Variants in EPHA3 observed in about 807,000 individuals in gnomAD.
EPHA3 encodes EPH receptor A3, also known as ephrin type-A receptor 3.
A neutral mutation model predicts 107.1 loss-of-function variants in EPHA3; 42 were observed. The ratio of observed to expected loss-of-function variants is 0.39; its 90% confidence interval spans 0.31 to 0.51. The LOEUF (loss-of-function observed/expected upper bound fraction) is 0.51, where lower values mean the gene tolerates loss of function less well. Ranked by LOEUF, EPHA3 falls within the 20% of genes least tolerant of loss-of-function variation. The pLI is 0.78. For missense variants in EPHA3, 1,183 were observed against 1,211.2 expected, an observed-to-expected ratio of 0.98 and a Z score of 0.35; for synonymous variants, 461 against 424.8, an observed-to-expected ratio of 1.09 and a Z score of -1.05.
intron 2 of EPHA3, among the ~76,000 whole-genome samples, chr3:89,202,161 G>A (rs1293565573): frequency 6.6e-6 from 1 of 151,774 alleles, no homozygotes; most frequent in African/African-American, 2.4e-5. Context: ...TACTGTATGT[G>A]TTATGCCTCC....
At chr3:89,393,648 A>T (rs1488951856) in intron 5 of EPHA3, among the ~76,000 whole-genome samples, 1 of 152,224 alleles carries the variant, frequency 6.6e-6, no homozygotes, top group Admixed American at 6.5e-5. Flanking sequence ...GACTTACTTC[A>T]GCAGAAAAAT....
At chr3:89,153,215 G>A (rs1040894234) in intron 2 of EPHA3, among the ~76,000 whole-genome samples, 2 of 152,024 alleles carry the variant, frequency 1.3e-5, no homozygotes, top group Admixed American at 6.6e-5. Context: ...TCTTGAAGCA[G>A]GTAAATGAGT....
intron 3 of EPHA3, among the ~76,000 whole-genome samples, chr3:89,240,427 C>A (rs1411952208): frequency 6.6e-6 from 1 of 152,058 alleles, no homozygotes; most frequent in East Asian, 1.9e-4. Context: ...AAATGCAATA[C>A]ATTTGTATTA....
At chr3:89,189,503 G>A (rs1705651252) in intron 2 of EPHA3, among the ~76,000 whole-genome samples, 2 of 152,186 alleles carry the variant, frequency 1.3e-5, no homozygotes, top group African/African-American at 2.4e-5. Context: ...TGAGGCAGGA[G>A]AATTGCTTGA....
chr3:89,204,999 A>C (rs1376340590), intron 2 of EPHA3, among the ~76,000 whole-genome samples: 1 of 152,326 alleles, frequency 6.6e-6, no homozygotes, highest in African/African-American at 2.4e-5. Flanking sequence ...TGAAATGCAA[A>C]AATAATGTAA....
chr3:89,275,205 A>C (rs71322866), intron 3 of EPHA3, among the ~76,000 whole-genome samples: 35,975 of 151,882 alleles, frequency 0.24, 4,767 homozygotes, highest in African/African-American at 0.38. Context: ...GCTATGAGAC[A>C]GTCCTTGCGG....
At chr3:89,302,276 A>G (rs952754870) in intron 3 of EPHA3, among the ~76,000 whole-genome samples, 6 of 152,092 alleles carry the variant, frequency 3.9e-5, no homozygotes, top group South Asian at 2.1e-4. Flanking sequence ...ACTAAGATCT[A>G]TTTATATGGT....
At chr3:89,440,633 G>C (rs1709764825) in intron 13 of EPHA3, among the ~76,000 whole-genome samples, 1 of 152,166 alleles carries the variant, frequency 6.6e-6, no homozygotes, top group Admixed American at 6.5e-5. Context: ...TTAGGGAACT[G>C]AATTGCAGAA....
intron 15 of EPHA3, among the ~76,000 whole-genome samples, chr3:89,454,429 C>T (rs1020247550): frequency 3.3e-5 from 5 of 152,160 alleles, no homozygotes; most frequent in African/African-American, 9.7e-5. Flanking sequence ...TTCCCCTCTA[C>T]ACTGTGATCA....
At chr3:89,243,992 CT>C (rs1406587466) in intron 3 of EPHA3, among the ~76,000 whole-genome samples, 1 of 151,858 alleles carries the variant, frequency 6.6e-6, no homozygotes, top group Non-Finnish European at 1.5e-5. Flanking sequence ...ATTGTCTCCC[CT>C]ATTACTTCTG....
chr3:89,461,217 A>G (rs1710233682), intron 15 of EPHA3, among the ~76,000 whole-genome samples: 1 of 106,728 alleles, frequency 9.4e-6, no homozygotes, highest in Admixed American at 1.0e-4. Flanking sequence ...TTCTTAATCC[A>G]GTCTATCATT....
chr3:89,400,139 T>C, intron 7 of EPHA3: 2 of 819,788 alleles, frequency 2.4e-6, no homozygotes, highest in Non-Finnish European at 3.0e-6. Flanking sequence ...ATGGCACTAA[T>C]ATAAAATGAG....
chr3:89,132,380 A>G (rs1454170661), intron 2 of EPHA3, among the ~76,000 whole-genome samples: 2 of 152,326 alleles, frequency 1.3e-5, no homozygotes, highest in East Asian at 1.9e-4. Context: ...AAATATTCTA[A>G]TTTCTAAATG....
intron 16 of EPHA3, among the ~76,000 whole-genome samples, 188 bp downstream of exon 16, chr3:89,472,807 A>G (rs1432279626): frequency 2.6e-5 from 4 of 152,112 alleles, no homozygotes; most frequent in African/African-American, 9.7e-5. Context: ...TTCTGGATTG[A>G]TACATATTGA....
chr3:89,302,061 T>G (rs1488431247), intron 3 of EPHA3, among the ~76,000 whole-genome samples: 1 of 152,186 alleles, frequency 6.6e-6, no homozygotes, highest in Non-Finnish European at 1.5e-5. Context: ...GACAATTTAT[T>G]TCATGGATAA....
chr3:89,201,425 A>T (rs1324991321), intron 2 of EPHA3, among the ~76,000 whole-genome samples: 1 of 152,190 alleles, frequency 6.6e-6, no homozygotes, highest in Non-Finnish European at 1.5e-5. Flanking sequence ...TTAAAATAAA[A>T]ATCTGTCATG....
At chr3:89,439,852 C>G (rs956337318) in intron 13 of EPHA3, among the ~76,000 whole-genome samples, 5 of 152,028 alleles carry the variant, frequency 3.3e-5, no homozygotes, top group African/African-American at 1.2e-4. Context: ...AGTTTTTACA[C>G]TGTTTCATGA....
chr3:89,413,730 T>C (rs1294270239), intron 10 of EPHA3, among the ~76,000 whole-genome samples: 1 of 151,780 alleles, frequency 6.6e-6, no homozygotes, highest in Non-Finnish European at 1.5e-5. Context: ...ATATTTTAAA[T>C]AATATAAGGT....
chr3:89,271,823 G>A (rs927217487), intron 3 of EPHA3, among the ~76,000 whole-genome samples: 2 of 151,732 alleles, frequency 1.3e-5, no homozygotes, highest in African/African-American at 2.4e-5. Flanking sequence ...CTGGGCCCTC[G>A]AACAACATGG....
Sources: allele counts gnomAD v4.1 joint callset (sites outside exome capture counted in the v4.1 genomes callset), GRCh38; gene constraint gnomAD v4.1.1; transcripts MANE v1.5; gene names NCBI Gene and HGNC (gene_info 2026-07-23, HGNC 2026-07-21).